The following CFAP54 variants were observed in gnomAD, a reference collection of about 807,000 sequenced individuals.
CFAP54 encodes cilia- and flagella-associated protein 54.
CFAP54 carries 290 observed loss-of-function variants against 370.4 expected under a neutral mutation model. The observed-to-expected ratio is 0.78, with a 90% CI of 0.71 to 0.86. CFAP54 has a LOEUF of 0.86. Among genes scored for constraint, CFAP54 ranks in the 40% least tolerant of loss-of-function variants. CFAP54 has a pLI of 0.00. For missense variants in CFAP54, 3,399 were observed against 3,528.7 expected (o/e 0.96, Z 0.93); for synonymous variants, 1,206 against 1,236.5 (o/e 0.98, Z 0.52).
At chr12:96,811,888 C>T in intron 64 of CFAP54, 46 bp downstream of exon 64, 1 of 1,158,898 alleles carries the variant, frequency 8.6e-7, no homozygotes, top group Non-Finnish European at 1.2e-6. Context: ...TGTTATCTCT[C>T]ACGAGAATAG....
chr12:96,630,171 A>G lies in CFAP54; in HGVS notation c.4182A>G (p.Leu1394=). ...SALNKKANKS[L]KFKAAVMEIG... ...TGAATAAAAAAGCAAACAAATCTTT[A>G]AAGTTCAAAGCTGCAGTAATGGAAA... Residue 1394 remains leucine (L), a synonymous_variant, in exon 31 of 68, where the codon TTA becomes TTG. Coordinates refer to ENST00000524981, the MANE Select transcript of CFAP54 (RefSeq NM_001306084.2). 1.3e-6 allele frequency: 2 copies of G among 1,503,326 alleles called. No individual in the cohort carries two copies. The highest frequency in any genetic ancestry group is 1.8e-6 in the Non-Finnish European group (2 of 1,121,740). The allele number at this position is 1,503,326 out of a possible 1,614,324, so 93.1% of individuals were successfully genotyped here.
At chr12:96,506,862 C>T (rs1955107051) in intron 3 of CFAP54, 66 bp from the exon 4 acceptor site, 3 of 1,386,860 alleles carry the variant, frequency 2.2e-6, no homozygotes, top group Non-Finnish European at 2.9e-6. Flanking sequence ...GCTGGGATTA[C>T]AGGTGTGAGC....
At chr12:96,613,513 T>G (rs772429519) in intron 26 of CFAP54, among the ~76,000 whole-genome samples, 1 of 151,884 alleles carries the variant, frequency 6.6e-6, no homozygotes, top group Non-Finnish European at 1.5e-5. Flanking sequence ...AAGAAATAAC[T>G]AAGATCAGAG....
At chr12:96,693,668 G>A (rs1329385791) in intron 44 of CFAP54, 54 bp from the exon 45 acceptor site, 2 of 1,157,840 alleles carry the variant, frequency 1.7e-6, no homozygotes, top group Non-Finnish European at 2.5e-6. Context: ...TGATTATTAG[G>A]TTATTAGTTT....
intron 22 of CFAP54, among the ~76,000 whole-genome samples, chr12:96,587,652 A>G (rs2136431152): frequency 6.6e-6 from 1 of 152,326 alleles, no homozygotes; most frequent in South Asian, 2.1e-4. Context: ...ATGTTAACTG[A>G]TGGAACAAAG....
At chr12:96,605,075 T>C (rs1956286502) in intron 26 of CFAP54, among the ~76,000 whole-genome samples, 2 of 152,334 alleles carry the variant, frequency 1.3e-5, no homozygotes, top group South Asian at 4.1e-4. Context: ...TGCTTGGAGC[T>C]GTAGACTGGA....
At position 96,501,281 on chromosome 12, in the gene CFAP54, C is replaced by T. The variant is rs182333848; in HGVS notation, c.423+342C>T. 21 of 166,242 alleles carry T rather than the reference C, an allele frequency of 1.3e-4. No homozygotes were observed. In the East Asian group the frequency reaches 3.6e-3, roughly 29 times the overall value. The allele number at this position is 166,242 out of a possible 1,614,324, so 10.3% of individuals were successfully genotyped here. On this transcript the variant is annotated intron_variant, in intron 2 of 67. Coordinates refer to ENST00000524981, the MANE Select transcript of CFAP54 (RefSeq NM_001306084.2). ...ATACAAAGGAGCCCAGACACCACTTCCTGTTGTTTTTCATATGGCTGGCCT... is the reference window on the plus strand; with the variant it reads ...ATACAAAGGAGCCCAGACACCACTTTCTGTTGTTTTTCATATGGCTGGCCT...
intron 22 of CFAP54, among the ~76,000 whole-genome samples, chr12:96,588,351 A>C (rs1210776422): frequency 6.6e-6 from 1 of 152,128 alleles, no homozygotes; most frequent in Non-Finnish European, 1.5e-5. Context: ...CTTTTCCTTG[A>C]AATCTTCATG....
intron 39 of CFAP54, among the ~76,000 whole-genome samples, chr12:96,670,129 T>C (rs1181415026): frequency 6.6e-6 from 1 of 152,098 alleles, no homozygotes; most frequent in African/African-American, 2.4e-5. Context: ...TCAGAAAACA[T>C]AATTTTAATG....
At chr12:96,693,694 G>T in intron 44 of CFAP54, 28 bp from the exon 45 acceptor site, 1 of 1,373,376 alleles carries the variant, frequency 7.3e-7, no homozygotes, top group South Asian at 1.3e-5. Flanking sequence ...AATATATTTT[G>T]AAACAAAGAG....
chr12:96,554,414 C>A, intron 16 of CFAP54, 104 bp downstream of exon 16: 1 of 1,314,722 alleles, frequency 7.6e-7, no homozygotes, highest in Non-Finnish European at 1.0e-6. Context: ...TGGCTTACCT[C>A]TCATAGGCCA....
chr12:96,731,789 G>C (rs1157098946), intron 50 of CFAP54, among the ~76,000 whole-genome samples: 1 of 152,002 alleles, frequency 6.6e-6, no homozygotes, highest in African/African-American at 2.4e-5. Context: ...CAAAATCCTA[G>C]TGAACAAGAT....
Position 96,621,690 on chromosome 12 carries a change from G to A in CFAP54, c.3740G>A (p.Gly1247Asp). The A allele has an allele frequency of 6.5e-7, 1 of 1,526,830 alleles. No individual in the cohort carries two copies. The highest frequency in any genetic ancestry group is 8.8e-7 in the Non-Finnish European group (1 of 1,141,974). The allele number at this position is 1,526,830 out of a possible 1,614,324, so 94.6% of individuals were successfully genotyped here. ...ITPGCKSLFD[G>D]SNEQEEMPEE... ...CCAGGATGCAAGTCTCTGTTTGATG[G>A]TAGTAATGAACAAGAAGAAATGCCA... The change falls in exon 27 of 68, where the codon GGT becomes GAT. Residue 1247 changes from glycine (G) to aspartate (D), a missense_variant. Gly to Asp is a moderately conservative substitution (Grantham distance 94, BLOSUM62 -1). Around this residue, in one of 3 missense-constraint regions of CFAP54, gnomAD observed 2,796 missense variants for 2,869.7 expected, o/e 0.97. Transcript: ENST00000524981.
At chr12:96,502,944 C>T (rs1955046964) in intron 2 of CFAP54, among the ~76,000 whole-genome samples, 2 of 152,126 alleles carry the variant, frequency 1.3e-5, no homozygotes, top group Non-Finnish European at 2.9e-5. Flanking sequence ...AGTAGCTCAC[C>T]TCACTCTGCA....
chr12:96,611,956 T>C (rs1956363063), intron 26 of CFAP54, among the ~76,000 whole-genome samples: 1 of 152,138 alleles, frequency 6.6e-6, no homozygotes, highest in African/African-American at 2.4e-5. Context: ...TGGAACCAGG[T>C]TGGAAAACAC....
intron 19 of CFAP54, among the ~76,000 whole-genome samples, 187 bp from the exon 20 acceptor site, chr12:96,576,398 T>TA (rs1955976242): frequency 6.6e-6 from 1 of 151,316 alleles, no homozygotes; most frequent in Non-Finnish European, 1.5e-5. Flanking sequence ...TAACCTTATC[T>TA]AGTAGGCATC....
Position 96,822,432 on chromosome 12 carries a change from G to C in CFAP54, c.9096+4519G>C. Among the ~76,000 whole-genome samples, 2 of 152,254 alleles carry C rather than the reference G, an allele frequency of 1.3e-5. 1 individual carries two copies. The highest frequency in any genetic ancestry group is 2.9e-5 in the Non-Finnish European group (2 of 68,026). ...AGTATATCCCAACTATTAAAGTACT[G>C]TGAGAACACAGAGCAAGATACAATT... On this transcript the variant is annotated intron_variant, in intron 65 of 67. Coordinates refer to ENST00000524981, the MANE Select transcript of CFAP54 (RefSeq NM_001306084.2).
chr12:96,640,241 C>T lies in CFAP54; in HGVS notation c.4317-3937C>T, dbSNP rs183970716. Among the ~76,000 whole-genome samples the T allele has an allele frequency of 2.0e-3, 310 of 152,230 alleles. 1 individual carries two copies. Among genetic ancestry groups the T allele is most frequent in the Non-Finnish European group, 9.4e-4 (64 of 68,034 alleles). On this transcript the variant is annotated intron_variant, in intron 32 of 67. Coordinates refer to ENST00000524981, the MANE Select transcript of CFAP54 (RefSeq NM_001306084.2). ...GCAACTTCAGCAAAGTCTCAGGATA[C>T]GAAATCAATGTGCAAAAATCACAAG...
At chr12:96,838,116 A>G (rs947303197) in intron 66 of CFAP54, among the ~76,000 whole-genome samples, 1 of 152,222 alleles carries the variant, frequency 6.6e-6, no homozygotes, top group Non-Finnish European at 1.5e-5. Flanking sequence ...TACACACATG[A>G]TCAGAGCATT....
Sources: gnomAD v4.1 joint callset for allele counts (sites outside exome capture counted in the v4.1 genomes callset) on GRCh38, gnomAD v4.1.1 for gene constraint, gnomAD v4.1.1 regional missense constraint, MANE v1.5 for transcripts, NCBI Gene and HGNC (gene_info 2026-07-23, HGNC 2026-07-21) for gene names.